UBASH3B: variants seen among roughly 807,000 people sequenced by gnomAD.
UBASH3B encodes ubiquitin associated and SH3 domain containing B.
Under a neutral mutation model 83.4 loss-of-function variants are expected in UBASH3B, and 37 were observed. That is an observed-to-expected ratio of 0.44 (90% CI 0.34 to 0.58). UBASH3B has a LOEUF of 0.58. Among genes scored for constraint, UBASH3B ranks in the 20% least tolerant of loss-of-function variants. The pLI is 0.01. For missense variants in UBASH3B, 657 were observed against 827.2 expected, an observed-to-expected ratio of 0.79 and a Z score of 2.52; for synonymous variants, 304 against 318.3, an observed-to-expected ratio of 0.96 and a Z score of 0.48.
At chr11:122,667,148 A>G (rs1448251869) in intron 1 of UBASH3B, among the ~76,000 whole-genome samples, 1 of 144,322 alleles carries the variant, frequency 6.9e-6, no homozygotes, top group Non-Finnish European at 1.5e-5. Context: ...GGTTCAAGCG[A>G]TTCTCCTGCC....
chr11:122,742,510 G>A (rs935576900), intron 1 of UBASH3B, among the ~76,000 whole-genome samples: 14 of 152,176 alleles, frequency 9.2e-5, no homozygotes, highest in African/African-American at 3.1e-4. Flanking sequence ...CTAGCCTGGC[G>A]GAAAAAGCCA....
At chr11:122,778,697 C>G (rs557154311) in intron 3 of UBASH3B, among the ~76,000 whole-genome samples, 1 of 151,686 alleles carries the variant, frequency 6.6e-6, no homozygotes, top group East Asian at 1.9e-4. Context: ...CTCTGCTTCC[C>G]GGGTTCAAGT....
intron 5 of UBASH3B, among the ~76,000 whole-genome samples, chr11:122,783,936 A>G (rs1473235698): frequency 1.4e-5 from 2 of 147,542 alleles, no homozygotes; most frequent in African/African-American, 5.0e-5. Flanking sequence ...GAAGCATAAT[A>G]TTGCCTTTTT....
intron 1 of UBASH3B, among the ~76,000 whole-genome samples, chr11:122,668,910 C>T (rs1336641448): frequency 6.6e-6 from 1 of 152,110 alleles, no homozygotes; most frequent in Non-Finnish European, 1.5e-5. Flanking sequence ...GAGGCTAATT[C>T]CGTCAGCGTG....
intron 11 of UBASH3B, among the ~76,000 whole-genome samples, chr11:122,804,781 C>T (rs974141790): frequency 2.0e-5 from 3 of 152,180 alleles, no homozygotes; most frequent in African/African-American, 7.2e-5. Context: ...ACCACACCTC[C>T]ACCAGGCACT....
chr11:122,682,677 C>T (rs951658618), intron 1 of UBASH3B, among the ~76,000 whole-genome samples: 1 of 152,154 alleles, frequency 6.6e-6, no homozygotes, highest in Non-Finnish European at 1.5e-5. Flanking sequence ...GAGGAATAAC[C>T]CAGCTCTGGG....
chr11:122,665,607 C>T (rs1863506229), intron 1 of UBASH3B, among the ~76,000 whole-genome samples: 1 of 152,242 alleles, frequency 6.6e-6, no homozygotes, highest in East Asian at 1.9e-4. Context: ...TTTCACAGTG[C>T]TTTATGGTCA....
In UBASH3B at chr11:122,789,215, T is replaced by A. The variant is rs748672783; in HGVS notation, c.887T>A (p.Ile296Asn). The A allele has an allele frequency of 1.2e-6, 2 of 1,614,200 alleles. No individual in the cohort carries two copies. The highest frequency in any genetic ancestry group is 8.5e-7 in the Non-Finnish European group (1 of 1,180,024). Residue 296 changes from isoleucine to asparagine, a missense_variant, in exon 6 of 14, where the codon ATC becomes AAC. Coordinates refer to ENST00000284273, the MANE Select transcript of UBASH3B (RefSeq NM_032873.5). The stretch of plus-strand genomic sequence containing the variant: ...CAGACCAGCACCAGCGAGGGTTGGA[T>A]CTATGGCACGTCCTTAACCACCGGC... ...MEQTSTSEGWIYGTSLTTGCS... is the reference protein window; with the variant it reads ...MEQTSTSEGWNYGTSLTTGCS...
rs545340625 is a variant in UBASH3B at position 122,667,335 on chromosome 11, C to T, written c.161+11125C>T. On this transcript the variant is annotated intron_variant, in intron 1 of 13. Coordinates refer to ENST00000284273, the MANE Select transcript of UBASH3B (RefSeq NM_032873.5). ...TGTTGGGATTACAGATGTGAGCCGCCGCGCCCAGTCCATTCTTTCTCTCTC... is the reference window on the plus strand; with the variant it reads ...TGTTGGGATTACAGATGTGAGCCGCTGCGCCCAGTCCATTCTTTCTCTCTC... Among the ~76,000 whole-genome samples, 37 of 152,194 alleles carry T rather than the reference C, an allele frequency of 2.4e-4. 1 individual carries two copies. The highest frequency in any genetic ancestry group is 7.7e-4 in the African/African-American group (32 of 41,536).
At chr11:122,662,618 A>G (rs893803276) in intron 1 of UBASH3B, among the ~76,000 whole-genome samples, 1 of 151,562 alleles carries the variant, frequency 6.6e-6, no homozygotes, top group East Asian at 2.0e-4. Flanking sequence ...TTTAGTTGAG[A>G]CAGGGTTTCT....
At chr11:122,661,722 G>C (rs1369749635) in intron 1 of UBASH3B, among the ~76,000 whole-genome samples, 1 of 152,114 alleles carries the variant, frequency 6.6e-6, no homozygotes, top group Non-Finnish European at 1.5e-5. Flanking sequence ...TTTGTTTTAA[G>C]ATGAGACTGG....
intron 1 of UBASH3B, among the ~76,000 whole-genome samples, chr11:122,774,637 A>T (rs1860702226): frequency 6.6e-6 from 1 of 152,152 alleles, no homozygotes; most frequent in South Asian, 2.1e-4. Context: ...TGGGGAAAGG[A>T]TGCTTGCAGA....
intron 1 of UBASH3B, among the ~76,000 whole-genome samples, chr11:122,756,438 C>T (rs1591800176): frequency 6.6e-6 from 1 of 152,334 alleles, no homozygotes; most frequent in South Asian, 2.1e-4. Context: ...GTGCAAGATA[C>T]ACAGTCCTTC....
chr11:122,809,924 T>C lies in UBASH3B; in HGVS notation c.*38T>C, dbSNP rs972661893. On this transcript the variant is annotated 3_prime_UTR_variant, in exon 14 of 14. Transcript: ENST00000284273. The stretch of plus-strand genomic sequence containing the variant: ...AACAAGAAGGAAAGGCCTTTTGGAG[T>C]GTGTCTTTCTGTGTGTTTAAAAACA... 1 of 1,599,876 alleles carries C rather than the reference T, an allele frequency of 6.3e-7. No individual in the cohort carries two copies. Among genetic ancestry groups the C allele is most frequent in the African/African-American group, 1.4e-5 (1 of 74,070 alleles).
chr11:122,675,649 A>T (rs967897449), intron 1 of UBASH3B, among the ~76,000 whole-genome samples: 3 of 152,206 alleles, frequency 2.0e-5, no homozygotes, highest in Non-Finnish European at 4.4e-5. Flanking sequence ...AGCTGCAAGG[A>T]GCACCTCTGA....
intron 6 of UBASH3B, among the ~76,000 whole-genome samples, chr11:122,790,016 G>C (rs1861022933): frequency 6.6e-6 from 1 of 152,132 alleles, no homozygotes; most frequent in Non-Finnish European, 1.5e-5. Context: ...CTCTTTCTTA[G>C]TTGGAGCAGC....
intron 1 of UBASH3B, among the ~76,000 whole-genome samples, chr11:122,729,966 G>C (rs545322204): frequency 3.2e-5 from 3 of 93,228 alleles, no homozygotes; most frequent in Non-Finnish European, 5.6e-5. Flanking sequence ...GACAGAGTGA[G>C]ACCCTATCTA....
At chr11:122,698,184 C>A (rs921828086) in intron 1 of UBASH3B, among the ~76,000 whole-genome samples, 4 of 152,206 alleles carry the variant, frequency 2.6e-5, no homozygotes, top group African/African-American at 9.7e-5. Context: ...TGGCAGATCT[C>A]TTCTCTTAGA....
At chr11:122,706,133 T>C (rs1864117122) in intron 1 of UBASH3B, among the ~76,000 whole-genome samples, 1 of 133,192 alleles carries the variant, frequency 7.5e-6, no homozygotes, top group African/African-American at 2.7e-5. Flanking sequence ...TTTTTTTTTT[T>C]GAGATGGAGT....
Sources: allele counts gnomAD v4.1 joint callset (sites outside exome capture counted in the v4.1 genomes callset), GRCh38; gene constraint gnomAD v4.1.1; transcripts MANE v1.5; gene names NCBI Gene and HGNC (gene_info 2026-07-23, HGNC 2026-07-21).